The following ASB3 variants were observed in gnomAD, a reference collection of about 807,000 sequenced individuals.
ASB3 encodes ankyrin repeat and SOCS box protein 3.
In ASB3, 41 loss-of-function variants were observed where a neutral mutation model predicts 54.5. The ratio of observed to expected loss-of-function variants is 0.75; its 90% CI spans 0.59 to 0.98. ASB3 has a LOEUF of 0.98. Ranked by LOEUF, ASB3 falls within the 50% of genes least tolerant of loss-of-function variation. ASB3 has a pLI of 0.00. For synonymous variants in ASB3, 266 were observed against 221.2 expected (o/e 1.20, Z -1.80); for missense variants, 733 against 620.0 (o/e 1.18, Z -1.94).
rs756119420 is a variant in ASB3 at position 53,670,584 on chromosome 2, T to G, written c.1476A>C (p.Arg492Ser). 4.3e-6 allele frequency: 7 copies of G among 1,613,902 alleles called. No homozygotes were observed. The African/African-American group carries it at 9.3e-5, about 22-fold the overall frequency. ...CATAGAGCAAATAATTATGTAGGCTTCTGGGAAGTGGCAGCTGACTAATAT... is the reference window on the plus strand; with the variant it reads ...CATAGAGCAAATAATTATGTAGGCTGCTGGGAAGTGGCAGCTGACTAATAT... ...DSYISQLPLP[R>S]SLHNYLLYED... Residue 492 changes from arginine to serine, a missense_variant, in exon 10 of 10, where the codon AGA becomes AGC. Arg to Ser is a moderately radical substitution (Grantham distance 110, BLOSUM62 -1). Coordinates refer to ENST00000263634, the MANE Select transcript of ASB3 (RefSeq NM_016115.5).
intron 3 of ASB3, among the ~76,000 whole-genome samples, chr2:53,733,484 C>G (rs1419926142): frequency 6.6e-6 from 1 of 150,904 alleles, no homozygotes; most frequent in Non-Finnish European, 1.5e-5. Context: ...CTCTGTCGCC[C>G]AAGCTCGACT....
chr2:53,718,163 G>A (rs1406743269), intron 5 of ASB3, among the ~76,000 whole-genome samples: 1 of 152,156 alleles, frequency 6.6e-6, no homozygotes, highest in Non-Finnish European at 1.5e-5. Context: ...CAGAGAGGAA[G>A]ACATCCAGAT....
intron 2 of ASB3, among the ~76,000 whole-genome samples, chr2:53,760,506 C>T (rs930931212): frequency 1.3e-5 from 2 of 152,190 alleles, no homozygotes; most frequent in African/African-American, 4.8e-5. Flanking sequence ...GTAATCCCCT[C>T]CAGGAAACCA....
chr2:53,678,064 AT>A (rs1194691351), intron 9 of ASB3, among the ~76,000 whole-genome samples: 3 of 152,126 alleles, frequency 2.0e-5, no homozygotes, highest in African/African-American at 7.2e-5. Flanking sequence ...TTATGTTGAT[AT>A]ACCTACCATA....
chr2:53,772,208 T>A lies in ASB3; in HGVS notation c.-13-6623A>T, dbSNP rs144422865. On this transcript the variant is annotated intron_variant, in intron 1 of 9. Coordinates refer to ENST00000263634, the MANE Select transcript of ASB3 (RefSeq NM_016115.5). The stretch of plus-strand genomic sequence containing the variant: ...GGGGTTTTTTGAGACAGAGTCTAGC[T>A]CTGTCGCCCAGGCTGGAGTGCAGTG... Among the ~76,000 whole-genome samples the A allele has an allele frequency of 3.6e-3, 546 of 152,214 alleles. 1 individual carries two copies. The highest frequency in any genetic ancestry group is 6.5e-3 in the Non-Finnish European group (444 of 68,012).
intron 9 of ASB3, among the ~76,000 whole-genome samples, chr2:53,685,898 A>G (rs568492742): frequency 6.6e-6 from 1 of 152,216 alleles, no homozygotes; most frequent in African/African-American, 2.4e-5. Context: ...CACAATCTCC[A>G]ATAGATACAA....
intron 1 of ASB3, chr2:53,767,178 G>A (rs1250330039): frequency 6.6e-6 from 1 of 152,084 alleles, no homozygotes; most frequent in African/African-American, 2.4e-5. Context: ...ACATTTGCCT[G>A]CTCTTTTGTG....
intron 7 of ASB3, among the ~76,000 whole-genome samples, chr2:53,709,860 T>A (rs1669991953): frequency 6.6e-6 from 1 of 152,256 alleles, no homozygotes; most frequent in South Asian, 2.1e-4. Flanking sequence ...ATGAACCAGG[T>A]CACTGTGACT....
chr2:53,683,132 C>G (rs34498147), intron 9 of ASB3, among the ~76,000 whole-genome samples: 15,892 of 152,058 alleles, frequency 0.1, 1,136 homozygotes, highest in Non-Finnish European at 0.15. Context: ...ACGGTGTTTA[C>G]TGAATTGAGG....
At chr2:53,765,322 A>G in intron 2 of ASB3, 55 bp downstream of exon 2, 1 of 1,605,148 alleles carries the variant, frequency 6.2e-7, no homozygotes, top group South Asian at 1.1e-5. Flanking sequence ...ATACTTTTTT[A>G]TGTTTTATTA....
chr2:53,671,186 T>C (rs1667792054), intron 9 of ASB3, among the ~76,000 whole-genome samples: 1 of 152,242 alleles, frequency 6.6e-6, no homozygotes, highest in African/African-American at 2.4e-5. Flanking sequence ...GTGCCTTCTA[T>C]GCCATAAGCC....
intron 5 of ASB3, among the ~76,000 whole-genome samples, chr2:53,722,231 G>A (rs540101227): frequency 2.0e-5 from 3 of 149,146 alleles, no homozygotes; most frequent in Non-Finnish European, 3.0e-5. Context: ...ATTCACAGCC[G>A]AATTCTACCA....
intron 9 of ASB3, among the ~76,000 whole-genome samples, chr2:53,674,779 G>C (rs1313471439): frequency 6.6e-6 from 1 of 151,918 alleles, no homozygotes; most frequent in Non-Finnish European, 1.5e-5. Flanking sequence ...TTTGTTCCCA[G>C]TTTTTCTTAA....
intron 7 of ASB3, 76 bp downstream of exon 7, chr2:53,714,308 G>T: frequency 1.3e-6 from 2 of 1,533,440 alleles, no homozygotes; most frequent in South Asian, 2.6e-5. Flanking sequence ...GTTTCATCGT[G>T]AAAGAAAGTC....
chr2:53,754,003 T>C (rs1485196395), intron 2 of ASB3, among the ~76,000 whole-genome samples: 3 of 152,064 alleles, frequency 2.0e-5, no homozygotes, highest in Non-Finnish European at 4.4e-5. Context: ...TGAAAATGGC[T>C]GATTCTAAGG....
chr2:53,733,170 G>A (rs1450798614), intron 3 of ASB3, among the ~76,000 whole-genome samples: 2 of 152,190 alleles, frequency 1.3e-5, no homozygotes, highest in East Asian at 3.8e-4. Context: ...GGGAAGGATA[G>A]AGAAGGATAT....
intron 3 of ASB3, among the ~76,000 whole-genome samples, chr2:53,734,166 T>G (rs1167922714): frequency 6.6e-6 from 1 of 152,212 alleles, no homozygotes; most frequent in Non-Finnish European, 1.5e-5. Context: ...GCAGAGATTT[T>G]GTTTATGGCC....
Position 53,693,943 on chromosome 2 carries a change from G to C in ASB3, c.1310C>G (p.Ala437Gly). The change falls in exon 9 of 10, where the codon GCT becomes GGT. Residue 437 changes from alanine to glycine, a missense_variant. Ala to Gly is a moderately conservative substitution (Grantham distance 60). Transcript: ENST00000263634. ...ACGAGCAGAGAGCATCCTTTCAACA[G>C]CTGGTGCAAGTGTCTTCCAATTAGT... The part of the protein sequence containing the change: ...EFTNWKTLAP[A>G]VERMLSARAS... The C allele has an allele frequency of 1.2e-6, 2 of 1,613,666 alleles. No individual in the cohort carries two copies. Among genetic ancestry groups the C allele is most frequent in the Non-Finnish European group, 1.7e-6 (2 of 1,179,654 alleles).
intron 3 of ASB3, among the ~76,000 whole-genome samples, chr2:53,737,001 G>A (rs1375297470): frequency 6.6e-6 from 1 of 152,010 alleles, no homozygotes; most frequent in East Asian, 1.9e-4. Context: ...AAAAAAATAT[G>A]TCTAAAAGAA....
Sources: gnomAD v4.1 joint callset for allele counts (sites outside exome capture counted in the v4.1 genomes callset) on GRCh38, gnomAD v4.1.1 for gene constraint, MANE v1.5 for transcripts, NCBI Gene and HGNC (gene_info 2026-07-23, HGNC 2026-07-21) for gene names.